Variants in POC1A observed in about 807,000 individuals in gnomAD.
The protein encoded by POC1A is POC1 centriolar protein homolog A.
In POC1A, 34 loss-of-function variants were observed where a neutral mutation model predicts 47.8. The observed-to-expected ratio is 0.71, with a 90% CI of 0.54 to 0.95. The LOEUF (loss-of-function observed/expected upper bound fraction) is 0.95, where lower values mean the gene tolerates loss of function less well. Ranked by LOEUF, POC1A falls within the 40% of genes least tolerant of loss-of-function variation. The probability of loss-of-function intolerance (pLI) is 0.00; values close to 1 mark genes in which losing one functional copy is unlikely to be tolerated. For missense variants in POC1A, 466 were observed against 528.3 expected (o/e 0.88, Z 1.16); for synonymous variants, 177 against 207.6 (o/e 0.85, Z 1.27).
At chr3:52,081,374 C>T (rs757784118) in intron 10 of POC1A, among the ~76,000 whole-genome samples, 2 of 152,204 alleles carry the variant, frequency 1.3e-5, no homozygotes, top group African/African-American at 4.8e-5. Flanking sequence ...CACAAAGCAC[C>T]TCCCCAACGC....
Position 52,122,440 on chromosome 3 carries a change from T to C in POC1A, c.920A>G (p.His307Arg), listed in dbSNP as rs1340539785. 7 of 1,612,694 alleles carry C rather than the reference T, an allele frequency of 4.3e-6. No homozygotes were observed. The highest frequency in any genetic ancestry group is 2.7e-5 in the African/African-American group (2 of 74,894). Residue 307 changes from histidine (H) to arginine (R), a missense_variant, in exon 9 of 11, where the codon CAT becomes CGT. Physicochemically the swap from His to Arg is conservative, Grantham distance 29 (BLOSUM62 0). Coordinates refer to ENST00000296484, the MANE Select transcript of POC1A (RefSeq NM_015426.5). The part of the protein sequence containing the change: ...VWKSNFDIVD[H>R]GEVTKVPRPP... ...CCTCGGCACTTTCGTGACTTCTCCA[T>C]GATCAACAATATCAAAGTTACTCTT... is the stretch of plus-strand genomic sequence containing the variant.
In POC1A at chr3:52,132,681, A is replaced by G. The variant is rs150852822; in HGVS notation, c.813+5488T>C. On this transcript the variant is annotated intron_variant, in intron 7 of 10. Coordinates refer to ENST00000296484, the MANE Select transcript of POC1A (RefSeq NM_015426.5). ...AGCACCAGAATTCTTCAGGGCCACA[A>G]TAAACTTGTAACCAACATCCACCCC... 2.0e-5 allele frequency among the ~76,000 whole-genome samples: 3 copies of G among 152,310 alleles called. No individual in the cohort carries two copies. In the East Asian group the frequency reaches 5.8e-4, roughly 29 times the overall value.
chr3:52,145,933 TG>T lies in POC1A; in HGVS notation c.591del (p.Ser198ValfsTer14). ...CCGGCAGCGGCAATGCACGTCCCAC[TG>T]GGGTGGAAGTCCACATAGGTGACAA... Reference protein sequence around the residue: ...GGFVTYVDFHPSGTCIAAAGM... With the variant: ...GGFVTYVDFHXSGTCIAAAGM... On this transcript the variant is annotated frameshift_variant, in exon 6 of 11. Transcript: ENST00000296484. LOFTEE classifies it high-confidence loss of function. The T allele has an allele frequency of 6.2e-7, 1 of 1,613,644 alleles. No individual in the cohort carries two copies. Among genetic ancestry groups the T allele is most frequent in the Non-Finnish European group, 8.5e-7 (1 of 1,179,656 alleles).
intron 9 of POC1A, among the ~76,000 whole-genome samples, chr3:52,103,094 A>G (rs1176768056): frequency 1.3e-5 from 2 of 152,256 alleles, no homozygotes; most frequent in African/African-American, 2.4e-5. Context: ...TGCACAAACA[A>G]CTTAGTACAG....
At chr3:52,154,291 A>G (rs1318317191) in intron 1 of POC1A, 64 bp downstream of exon 1, 3 of 1,506,052 alleles carry the variant, frequency 2.0e-6, no homozygotes, top group Non-Finnish European at 2.7e-6. Flanking sequence ...CGCTCTGGCC[A>G]TTAGGCGCCC....
In POC1A at chr3:52,082,043, G is replaced by A. The variant is rs190419692; in HGVS notation, c.1126-6058C>T. Among the ~76,000 whole-genome samples, 5 of 152,224 alleles carry A rather than the reference G, an allele frequency of 3.3e-5. No individual in the cohort carries two copies. The East Asian group carries it at 9.6e-4, about 29-fold the overall frequency. ...CCAGATTACACAGGCTGAGTATGAG[G>A]ACCCCCAAGAATGTTGAGAGGGTCT... is the stretch of plus-strand genomic sequence containing the variant. On this transcript the variant is annotated intron_variant, in intron 10 of 10. Transcript: ENST00000296484.
In POC1A at chr3:52,084,046, T is replaced by G. The variant is rs1300190865; in HGVS notation, c.1126-8061A>C. Reference sequence around the variant, plus strand: ...CACTGCCTCACCAGGCTCACAGGTCTGAGTAGGCACAGCCAGGGAGGATGC... The same window carrying G: ...CACTGCCTCACCAGGCTCACAGGTCGGAGTAGGCACAGCCAGGGAGGATGC... On this transcript the variant is annotated intron_variant, in intron 10 of 10. Transcript: ENST00000296484. This position sits in a 1 kb window ranked among gnomAD's most constrained non-coding sequence, Gnocchi z 4.3. Among the ~76,000 whole-genome samples, 1 of 152,216 alleles carries G rather than the reference T, an allele frequency of 6.6e-6. No homozygotes were observed. The highest frequency in any genetic ancestry group is 1.5e-5 in the Non-Finnish European group (1 of 68,030).
At chr3:52,097,348 A>G (rs2106977620) in intron 9 of POC1A, among the ~76,000 whole-genome samples, 1 of 152,350 alleles carries the variant, frequency 6.6e-6, no homozygotes, top group South Asian at 2.1e-4. Context: ...GGCAGGAATC[A>G]GACTCCACAG....
At chr3:52,132,318 T>C (rs749434600) in intron 7 of POC1A, among the ~76,000 whole-genome samples, 4 of 152,152 alleles carry the variant, frequency 2.6e-5, no homozygotes, top group African/African-American at 4.8e-5. Context: ...AGAGGACCCA[T>C]GGTTTTTCAA....
chr3:52,080,277 C>T (rs367981561), intron 10 of POC1A, among the ~76,000 whole-genome samples: 1 of 152,198 alleles, frequency 6.6e-6, no homozygotes, highest in Non-Finnish European at 1.5e-5. Context: ...GCTCTGTCCC[C>T]ATCAAGAATG....
intron 9 of POC1A, among the ~76,000 whole-genome samples, chr3:52,122,088 T>A (rs775905143): frequency 2.0e-5 from 3 of 152,128 alleles, no homozygotes; most frequent in African/African-American, 4.8e-5. Context: ...TCCTAAGGCC[T>A]CAATCAAACA....
intron 9 of POC1A, among the ~76,000 whole-genome samples, chr3:52,116,957 G>A (rs776923963): frequency 6.6e-6 from 1 of 152,150 alleles, no homozygotes; most frequent in African/African-American, 2.4e-5. Flanking sequence ...GGAGGCCAAC[G>A]CAGGTGGATC....
chr3:52,105,421 T>C (rs1260524094), intron 9 of POC1A, among the ~76,000 whole-genome samples: 1 of 152,210 alleles, frequency 6.6e-6, no homozygotes, highest in East Asian at 1.9e-4. Flanking sequence ...TTTGCCTTCA[T>C]GAAAAGTTGA....
chr3:52,080,941 G>A (rs889723844), intron 10 of POC1A, among the ~76,000 whole-genome samples: 1 of 152,238 alleles, frequency 6.6e-6, no homozygotes, highest in South Asian at 2.1e-4. Context: ...CCAAGTCAAG[G>A]CCCTCATGGC....
chr3:52,150,040 C>T, intron 2 of POC1A, 53 bp from the exon 3 acceptor site: 1 of 1,504,906 alleles, frequency 6.6e-7, no homozygotes, highest in Non-Finnish European at 9.1e-7. Flanking sequence ...CTTCAAGCCT[C>T]CACCAAGACA....
At chr3:52,097,425 G>A (rs1702856701) in intron 9 of POC1A, among the ~76,000 whole-genome samples, 1 of 152,216 alleles carries the variant, frequency 6.6e-6, no homozygotes, top group South Asian at 2.1e-4. Context: ...TTCTGCGTAA[G>A]GCCCTTCAGC....
At position 52,122,433 on chromosome 3, in the gene POC1A, T is replaced by G. The variant is rs1703816143; in HGVS notation, c.927A>C (p.Glu309Asp). The G allele has an allele frequency of 6.2e-7, 1 of 1,613,266 alleles. No homozygotes were observed. The highest frequency in any genetic ancestry group is 1.3e-5 in the African/African-American group (1 of 75,038). Residue 309 changes from glutamate to aspartate, a missense_variant, in exon 9 of 11, where the codon GAA (glutamate) becomes GAC (aspartate). Coordinates refer to ENST00000296484, the MANE Select transcript of POC1A (RefSeq NM_015426.5). ...KSNFDIVDHG[E>D]VTKVPRPPAT... is the part of the protein sequence containing the mutation. ...CTGGGGGCCTCGGCACTTTCGTGAC[T>G]TCTCCATGATCAACAATATCAAAGT...
intron 9 of POC1A, among the ~76,000 whole-genome samples, chr3:52,113,537 T>C (rs1206407378): frequency 1.3e-5 from 2 of 152,188 alleles, no homozygotes; most frequent in Admixed American, 6.5e-5. Flanking sequence ...ACACTGTCTC[T>C]ACTAAAAATA....
intron 7 of POC1A, among the ~76,000 whole-genome samples, chr3:52,131,075 C>A (rs1039986505): frequency 6.6e-6 from 1 of 152,152 alleles, no homozygotes; most frequent in Non-Finnish European, 1.5e-5. Context: ...CACTCTACAG[C>A]GACATGCACA....
Sources: allele counts gnomAD v4.1 joint callset (sites outside exome capture counted in the v4.1 genomes callset), GRCh38; gene constraint gnomAD v4.1.1; non-coding constraint Gnocchi (gnomAD v3.1); transcripts MANE v1.5; gene names NCBI Gene and HGNC (gene_info 2026-07-23, HGNC 2026-07-21).